Variants in TMPRSS15 observed in about 807,000 individuals in gnomAD.
TMPRSS15 encodes the protein transmembrane serine protease 15.
A neutral mutation model predicts 125.3 loss-of-function variants in TMPRSS15; 128 were observed. That is an observed-to-expected ratio of 1.02 (90% CI 0.89 to 1.18). The LOEUF (loss-of-function observed/expected upper bound fraction) is 1.18. Among genes scored for constraint, TMPRSS15 ranks in the 50% most tolerant of loss-of-function variants. The pLI, the probability that TMPRSS15 is intolerant of heterozygous loss-of-function variation, is 0.00. For missense variants in TMPRSS15, 1,283 were observed against 1,212.7 expected, an observed-to-expected ratio of 1.06 and a Z score of -0.86; for synonymous variants, 446 against 423.2, an observed-to-expected ratio of 1.05 and a Z score of -0.66.
At chr21:18,342,053 G>C (rs1040327270) in intron 12 of TMPRSS15, among the ~76,000 whole-genome samples, 1 of 152,168 alleles carries the variant, frequency 6.6e-6, no homozygotes, top group East Asian at 1.9e-4. Flanking sequence ...AGGGCCAGCT[G>C]TTACTGGTCA....
At chr21:18,308,664 C>T (rs1469520562) in intron 18 of TMPRSS15, among the ~76,000 whole-genome samples, 1 of 150,958 alleles carries the variant, frequency 6.6e-6, no homozygotes. Context: ...CATAGGTATA[C>T]ATGTGCCATG....
rs79401121 is a variant in TMPRSS15 at position 18,275,991 on chromosome 21, C to G, written c.2765-655G>C. Among the ~76,000 whole-genome samples the G allele has an allele frequency of 9.7e-3, 1,478 of 152,268 alleles. 15 individuals are homozygous for G. Among genetic ancestry groups the G allele is most frequent in the Non-Finnish European group, 0.016 (1,115 of 68,018 alleles). ...TACTAATCCCAAGAGAGATGTGAAACAAGCAGGTGTCTAGTGCCCCAGAAA... is the reference window on the plus strand; with the variant it reads ...TACTAATCCCAAGAGAGATGTGAAAGAAGCAGGTGTCTAGTGCCCCAGAAA... On this transcript the variant is annotated intron_variant, in intron 23 of 24. Coordinates refer to ENST00000284885, the MANE Select transcript of TMPRSS15 (RefSeq NM_002772.3).
At chr21:18,436,456 T>C (rs1230876532) in intron 1 of TMPRSS15, among the ~76,000 whole-genome samples, 11 of 152,134 alleles carry the variant, frequency 7.2e-5, no homozygotes, top group Admixed American at 7.2e-4. Flanking sequence ...GTGAGTTTCT[T>C]AATCTTGAGT....
chr21:18,303,480 G>A (rs1368229839), intron 18 of TMPRSS15, among the ~76,000 whole-genome samples: 2 of 152,070 alleles, frequency 1.3e-5, no homozygotes, highest in South Asian at 2.1e-4. Flanking sequence ...AATATATAGC[G>A]TTAATTACAA....
intron 24 of TMPRSS15, among the ~76,000 whole-genome samples, chr21:18,271,600 C>CTTTT (rs915001348): frequency 6.7e-6 from 1 of 148,752 alleles, no homozygotes; most frequent in Non-Finnish European, 1.5e-5. Flanking sequence ...CTTTTCTTTT[C>CTTTT]TTTTTTTTTT....
intron 21 of TMPRSS15, among the ~76,000 whole-genome samples, chr21:18,289,796 G>A (rs2074812092): frequency 7.8e-6 from 1 of 127,904 alleles, no homozygotes; most frequent in Admixed American, 1.0e-4. Flanking sequence ...GCCCACCCAC[G>A]TGACTGCATA....
chr21:18,419,290 A>C (rs984266239), intron 1 of TMPRSS15, among the ~76,000 whole-genome samples: 16 of 127,848 alleles, frequency 1.3e-4, no homozygotes, highest in Non-Finnish European at 2.1e-4. Context: ...CAGTGGTGCT[A>C]TCTCTGCTCA....
At chr21:18,323,651 A>T (rs540362675) in intron 16 of TMPRSS15, among the ~76,000 whole-genome samples, 27 of 152,292 alleles carry the variant, frequency 1.8e-4, no homozygotes, top group East Asian at 7.7e-4. Context: ...GTATTTTTTT[A>T]AAAAATCTCA....
chr21:18,413,949 A>AG (rs911185199), intron 1 of TMPRSS15, among the ~76,000 whole-genome samples: 35 of 152,324 alleles, frequency 2.3e-4, no homozygotes, highest in African/African-American at 7.5e-4. Context: ...AATAATTAAA[A>AG]TAATTTGTTT....
intron 6 of TMPRSS15, among the ~76,000 whole-genome samples, chr21:18,369,975 A>AC (rs1370711646): frequency 2.0e-5 from 3 of 149,342 alleles, no homozygotes; most frequent in Middle Eastern, 3.2e-3. Context: ...TACTTAAACG[A>AC]AAAAAAAAAA....
At chr21:18,324,438 G>A (rs2075269550) in intron 16 of TMPRSS15, among the ~76,000 whole-genome samples, 1 of 152,040 alleles carries the variant, frequency 6.6e-6, no homozygotes, top group Admixed American at 6.6e-5. Flanking sequence ...GCTAACAAAG[G>A]CCTCTAGTCA....
chr21:18,447,680 G>C (rs745794530), intron 1 of TMPRSS15, among the ~76,000 whole-genome samples: 1 of 151,882 alleles, frequency 6.6e-6, no homozygotes, highest in Non-Finnish European at 1.5e-5. Context: ...GTTTTATAGG[G>C]GCTTTTTCCC....
chr21:18,335,786 T>C (rs2075385876), intron 13 of TMPRSS15, among the ~76,000 whole-genome samples: 1 of 152,316 alleles, frequency 6.6e-6, no homozygotes, highest in South Asian at 2.1e-4. Flanking sequence ...AGATGTGGCA[T>C]GTGCTTCTAA....
chr21:18,294,102 C>T (rs192524076), intron 21 of TMPRSS15, among the ~76,000 whole-genome samples, 168 bp downstream of exon 21: 2 of 152,320 alleles, frequency 1.3e-5, no homozygotes, highest in East Asian at 1.9e-4. Flanking sequence ...AAATGTATCT[C>T]TATTTTCATA....
intron 19 of TMPRSS15, among the ~76,000 whole-genome samples, chr21:18,297,144 A>G (rs2074916493): frequency 6.6e-6 from 1 of 152,224 alleles, no homozygotes; most frequent in African/African-American, 2.4e-5. Context: ...AATTTAGCTA[A>G]AACAGATCTT....
chr21:18,315,356 G>T, intron 16 of TMPRSS15, 100 bp from the exon 17 acceptor site: 1 of 973,748 alleles, frequency 1.0e-6, no homozygotes, highest in Non-Finnish European at 1.6e-6. Flanking sequence ...TGAGTCCTTT[G>T]CCACAGCTCA....
At chr21:18,353,278 A>T (rs1188840009) in intron 9 of TMPRSS15, among the ~76,000 whole-genome samples, 2 of 151,770 alleles carry the variant, frequency 1.3e-5, no homozygotes, top group African/African-American at 4.8e-5. Flanking sequence ...ATACTCTGTC[A>T]GGGTATTAGC....
intron 1 of TMPRSS15, among the ~76,000 whole-genome samples, chr21:18,410,345 C>T (rs780315288): frequency 2.6e-5 from 4 of 152,012 alleles, no homozygotes; most frequent in Non-Finnish European, 5.9e-5. Context: ...ATACTATTCT[C>T]TACAATTTAA....
intron 3 of TMPRSS15, among the ~76,000 whole-genome samples, chr21:18,392,331 C>G (rs1377646205): frequency 1.3e-5 from 2 of 152,074 alleles, no homozygotes; most frequent in Non-Finnish European, 2.9e-5. Flanking sequence ...TGCCAGATAC[C>G]TTAAATCATC....
Sources: gnomAD v4.1 joint callset for allele counts (sites outside exome capture counted in the v4.1 genomes callset) on GRCh38, gnomAD v4.1.1 for gene constraint, MANE v1.5 for transcripts, NCBI Gene and HGNC (gene_info 2026-07-23, HGNC 2026-07-21) for gene names.